IFT74: variants seen among roughly 807,000 people sequenced by gnomAD.
IFT74 encodes the protein intraflagellar transport protein 74 homolog.
Under a neutral mutation model 96.7 loss-of-function variants are expected in IFT74, and 92 were observed. That is an observed-to-expected ratio of 0.95 (90% CI 0.80 to 1.13). The LOEUF is 1.13. IFT74 is among the 50% of genes most tolerant of loss of function. IFT74 has a pLI of 0.00. For missense variants in IFT74, 811 were observed against 698.2 expected (o/e 1.16, Z -1.82); for synonymous variants, 223 against 213.2 (o/e 1.05, Z -0.40).
Position 27,058,603 on chromosome 9 carries a change from G to A in IFT74, c.1624-1988G>A, listed in dbSNP as rs143781721. On this transcript the variant is annotated intron_variant, in intron 18 of 19. Coordinates refer to ENST00000380062, the MANE Select transcript of IFT74 (RefSeq NM_025103.4). ...GGGTTTCACCTTGTTGGCCAGGCTG[G>A]TCTCGAACTCCTGACCTTAGGTCAT... 2.1e-3 allele frequency among the ~76,000 whole-genome samples: 318 copies of A among 152,174 alleles called. 4 individuals carry two copies. The highest frequency in any genetic ancestry group is 7.3e-3 in the African/African-American group (305 of 41,504).
In IFT74 at chr9:27,016,939, G is replaced by A. The variant is rs745802604; in HGVS notation, c.822G>A (p.Ala274=). The change falls in exon 11 of 20, where the codon GCG becomes GCA. Residue 274 remains alanine, a synonymous_variant. Coordinates refer to ENST00000380062, the MANE Select transcript of IFT74 (RefSeq NM_025103.4). ...EIAHSQVKQE[A]VLLHEKLYEL... ...CTCACTCCCAGGTGAAACAGGAGGC[G>A]GTATTGCTGCATGAAAAACTTTATG... 43 of 1,607,534 alleles carry A rather than the reference G, an allele frequency of 2.7e-5. No individual in the cohort carries two copies. Among genetic ancestry groups the A allele is most frequent in the East Asian group, 4.5e-5 (2 of 44,604 alleles).
At chr9:26,971,789 A>G (rs1826890850) in intron 2 of IFT74, among the ~76,000 whole-genome samples, 1 of 151,860 alleles carries the variant, frequency 6.6e-6, no homozygotes, top group African/African-American at 2.4e-5. Context: ...TACTATTATG[A>G]CCATTCTCCG....
intron 10 of IFT74, among the ~76,000 whole-genome samples, chr9:27,014,891 G>A (rs1587357114): frequency 6.6e-6 from 1 of 152,248 alleles, no homozygotes; most frequent in Non-Finnish European, 1.5e-5. Context: ...ACAGGCGTGA[G>A]CTATCACGCC....
At chr9:27,031,361 G>A (rs987143523) in intron 13 of IFT74, among the ~76,000 whole-genome samples, 9 of 152,020 alleles carry the variant, frequency 5.9e-5, no homozygotes, top group Non-Finnish European at 1.0e-4. Context: ...CAGCTACTCA[G>A]GAGGCTGAGG....
chr9:27,004,866 C>A (rs1828689860), intron 8 of IFT74, among the ~76,000 whole-genome samples: 2 of 151,874 alleles, frequency 1.3e-5, no homozygotes, highest in South Asian at 4.2e-4. Context: ...AAAAAAAGAG[C>A]TTTACTCAAA....
chr9:26,992,658 A>G (rs62542665), intron 8 of IFT74, among the ~76,000 whole-genome samples: 9,740 of 151,518 alleles, frequency 0.064, 367 homozygotes, highest in Middle Eastern at 0.16. Context: ...GCGCCACTAC[A>G]CTCCAGCCTG....
chr9:27,029,900 G>A (rs1404706584), intron 13 of IFT74, among the ~76,000 whole-genome samples: 1 of 152,144 alleles, frequency 6.6e-6, no homozygotes, highest in Admixed American at 6.5e-5. Flanking sequence ...TAATGAAGTA[G>A]CAAAGACTGA....
At chr9:26,966,506 C>T (rs978635876) in intron 2 of IFT74, among the ~76,000 whole-genome samples, 31 of 151,840 alleles carry the variant, frequency 2.0e-4, no homozygotes, top group African/African-American at 6.8e-4. Context: ...ACCTTTTGCC[C>T]GTTTTTTATT....
At chr9:26,952,839 A>G (rs923029124), upstream of IFT74, among the ~76,000 whole-genome samples, 2 of 152,166 alleles carry the variant, frequency 1.3e-5, no homozygotes, top group African/African-American at 4.8e-5. Flanking sequence ...TGTCATGTTC[A>G]CTATTCAAGG....
At chr9:26,974,384 C>T (rs971244345) in intron 2 of IFT74, among the ~76,000 whole-genome samples, 5 of 152,216 alleles carry the variant, frequency 3.3e-5, no homozygotes, top group African/African-American at 9.6e-5. Flanking sequence ...TAAACATACC[C>T]GGCCCAAGGG....
In IFT74 at chr9:26,962,002, C is replaced by T; in HGVS notation, c.35C>T (p.Pro12Leu). 1.9e-6 allele frequency: 3 copies of T among 1,614,160 alleles called. No individual in the cohort carries two copies. The highest frequency in any genetic ancestry group is 2.2e-5 in the South Asian group (2 of 91,082). ...AATCACAAATCTTCAGCAGCTCGCC[C>T]TGTTTCAAGAGGTGGAGTTGGGTTA... Reference protein sequence around the residue: ...ASNHKSSAARPVSRGGVGLTG... With the variant: ...ASNHKSSAARLVSRGGVGLTG... Residue 12 changes from proline (P) to leucine (L), a missense_variant, in exon 2 of 20, where the codon CCT becomes CTT. By Grantham distance (98) the Pro-to-Leu change is moderately conservative. Coordinates refer to ENST00000380062, the MANE Select transcript of IFT74 (RefSeq NM_025103.4).
chr9:26,998,373 G>A (rs1828287108), intron 8 of IFT74: 4 of 528,972 alleles, frequency 7.6e-6, no homozygotes, highest in African/African-American at 3.9e-5. Flanking sequence ...TAATATTTTG[G>A]TGTTACAGTA....
chr9:27,061,696 T>C (rs1268769554), intron 19 of IFT74, among the ~76,000 whole-genome samples: 2 of 148,652 alleles, frequency 1.3e-5, no homozygotes, highest in Admixed American at 6.7e-5. Context: ...TATATATATA[T>C]GTACATAATA....
chr9:27,061,175 G>A (rs983671791), intron 19 of IFT74, among the ~76,000 whole-genome samples: 21 of 151,760 alleles, frequency 1.4e-4, no homozygotes, highest in Non-Finnish European at 2.6e-4. Flanking sequence ...GTGTGCGCAC[G>A]CACGTGCCCT....
chr9:27,022,371 T>A (rs1367288049), intron 12 of IFT74, among the ~76,000 whole-genome samples: 1 of 152,156 alleles, frequency 6.6e-6, no homozygotes, highest in African/African-American at 2.4e-5. Context: ...CTGTGAAGAA[T>A]GATGATGGTG....
chr9:26,968,560 G>A (rs139328281), intron 2 of IFT74, among the ~76,000 whole-genome samples: 4 of 152,092 alleles, frequency 2.6e-5, no homozygotes, highest in Non-Finnish European at 4.4e-5. Flanking sequence ...TCGCCCAGCC[G>A]GGACACTTTT....
intron 1 of IFT74, among the ~76,000 whole-genome samples, chr9:26,948,501 C>T (rs2131448169): frequency 2.1e-5 from 2 of 93,092 alleles, no homozygotes; most frequent in East Asian, 6.1e-4. Context: ...GACGGAGTGT[C>T]GCTCTGCTGC....
In IFT74 at chr9:26,984,503, G is replaced by A. The variant is rs1295923696; in HGVS notation, c.409G>A (p.Glu137Lys). 5 of 1,611,644 alleles carry A rather than the reference G, an allele frequency of 3.1e-6. No individual in the cohort carries two copies. In the South Asian group the frequency reaches 3.3e-5, roughly 11 times the overall value. The change falls in exon 6 of 20, where the codon GAG becomes AAG. Residue 137 changes from glutamate to lysine, a missense_variant. Coordinates refer to ENST00000380062, the MANE Select transcript of IFT74 (RefSeq NM_025103.4). Reference protein sequence around the residue: ...SVYLSYEKRAETLAVEIKELQ... With the variant: ...SVYLSYEKRAKTLAVEIKELQ... ...GTATTTATTTTATGCTTTCAGGGCT[G>A]AGACTTTAGCTGTTGAGATAAAAGA...
chr9:27,056,364 A>ATT lies in IFT74; in HGVS notation c.1528_1529insTT (p.Thr510IlefsTer10). The ATT allele has an allele frequency of 6.3e-7, 1 of 1,591,990 alleles. No individual in the cohort carries two copies. The highest frequency in any genetic ancestry group is 1.1e-5 in the South Asian group (1 of 88,746). ...ACATCAGGAGAGAATGATATTATCA[A>ATT]CCCACAGAAATGCCTTTAAGAAAAT... is the stretch of plus-strand genomic sequence containing the variant. On this transcript the variant is annotated frameshift_variant, in exon 18 of 20. Coordinates refer to ENST00000380062, the MANE Select transcript of IFT74 (RefSeq NM_025103.4). LOFTEE classifies it high-confidence loss of function.
Sources: gnomAD v4.1 joint callset for allele counts (sites outside exome capture counted in the v4.1 genomes callset) on GRCh38, gnomAD v4.1.1 for gene constraint, MANE v1.5 for transcripts, NCBI Gene and HGNC (gene_info 2026-07-23, HGNC 2026-07-21) for gene names.